The following DNAJB6 variants were observed in gnomAD, a reference collection of about 807,000 sequenced individuals.
The protein encoded by DNAJB6 is dnaJ homolog subfamily B member 6.
DNAJB6 carries 16 observed loss-of-function variants against 42.7 expected under a neutral mutation model. The observed-to-expected ratio is 0.37, with a 90% CI of 0.25 to 0.57. DNAJB6 has a LOEUF of 0.57. Among genes scored for constraint, DNAJB6 ranks in the 20% least tolerant of loss-of-function variants. DNAJB6 has a pLI of 0.74. For missense variants in DNAJB6, 347 were observed against 416.8 expected (o/e 0.83, Z 1.46); for synonymous variants, 170 against 163.5 (o/e 1.04, Z -0.30).
intron 8 of DNAJB6, among the ~76,000 whole-genome samples, chr7:157,407,551 T>C (rs1369384126): frequency 6.6e-6 from 1 of 152,172 alleles, no homozygotes; most frequent in Non-Finnish European, 1.5e-5. Flanking sequence ...CCTTTGCTGC[T>C]GTGTGCGTGG....
At chr7:157,395,162 G>T (rs1479141451) in intron 8 of DNAJB6, among the ~76,000 whole-genome samples, 1 of 152,008 alleles carries the variant, frequency 6.6e-6, no homozygotes, top group South Asian at 2.1e-4. Context: ...TCCCCATCCG[G>T]TATTACCAGG....
intron 2 of DNAJB6, among the ~76,000 whole-genome samples, chr7:157,361,315 T>G (rs1401225593): frequency 6.6e-6 from 1 of 152,088 alleles, no homozygotes; most frequent in Non-Finnish European, 1.5e-5. Flanking sequence ...CCTGCCATGA[T>G]GCCCAGCTAA....
At chr7:157,359,828 C>G (rs1172571677) in intron 2 of DNAJB6, among the ~76,000 whole-genome samples, 1 of 152,296 alleles carries the variant, frequency 6.6e-6, no homozygotes, top group African/African-American at 2.4e-5. Flanking sequence ...TCAAAAAAGC[C>G]AAGTCAGGAT....
At chr7:157,364,963 A>T (rs1384597652) in intron 3 of DNAJB6, among the ~76,000 whole-genome samples, 1 of 152,188 alleles carries the variant, frequency 6.6e-6, no homozygotes, top group Non-Finnish European at 1.5e-5. Context: ...TCTACTTTTT[A>T]AAAATTGAGA....
At chr7:157,366,676 G>C (rs547101021) in intron 4 of DNAJB6, 115 bp downstream of exon 4, 1 of 931,394 alleles carries the variant, frequency 1.1e-6, no homozygotes. Context: ...GAGATGCAAC[G>C]TAGAAAGCGA....
chr7:157,374,954 A>G (rs535234133), intron 5 of DNAJB6, among the ~76,000 whole-genome samples: 1 of 152,336 alleles, frequency 6.6e-6, no homozygotes, highest in East Asian at 1.9e-4. Context: ...GGGTTTTCGC[A>G]TCATCTGTTT....
At chr7:157,342,636 T>A (rs1402914702) in intron 1 of DNAJB6, among the ~76,000 whole-genome samples, 1 of 152,090 alleles carries the variant, frequency 6.6e-6, no homozygotes, top group Admixed American at 6.5e-5. Context: ...TCTATATTTT[T>A]AGTAGAGATA....
rs1203132777 is a variant in DNAJB6, at chr7:157,385,621, A to G, written c.691+10A>G. On this transcript the variant is annotated intron_variant, in intron 8 of 9. Coordinates refer to ENST00000262177, the MANE Select transcript of DNAJB6 (RefSeq NM_058246.4). ...TCCTTAACAATAAATGGTAAGGAGCAGCTGCTGCGCTTGGATAACAAGTAA... is the reference window on the plus strand; with the variant it reads ...TCCTTAACAATAAATGGTAAGGAGCGGCTGCTGCGCTTGGATAACAAGTAA... 1 of 1,613,686 alleles carries G rather than the reference A, an allele frequency of 6.2e-7. No homozygotes were observed. The highest frequency in any genetic ancestry group is 8.5e-7 in the Non-Finnish European group (1 of 1,179,848).
At chr7:157,355,480 A>G (rs928699253) in intron 1 of DNAJB6, among the ~76,000 whole-genome samples, 2 of 152,150 alleles carry the variant, frequency 1.3e-5, no homozygotes, top group Non-Finnish European at 1.5e-5. Flanking sequence ...TGGTTTCTTC[A>G]GCGGGCCAGT....
intron 8 of DNAJB6, among the ~76,000 whole-genome samples, chr7:157,397,707 C>G (rs1312255400): frequency 1.3e-5 from 2 of 152,264 alleles, no homozygotes; most frequent in Non-Finnish European, 2.9e-5. Flanking sequence ...CGTCTTCATT[C>G]CCTGGAGCCA....
intron 1 of DNAJB6, among the ~76,000 whole-genome samples, chr7:157,355,357 T>G (rs1799218026): frequency 6.6e-6 from 1 of 152,190 alleles, no homozygotes; most frequent in South Asian, 2.1e-4. Context: ...AGATGGAGTT[T>G]CACCGTGTTA....
chr7:157,340,159 C>T (rs1396995001), intron 1 of DNAJB6: 2 of 152,220 alleles, frequency 1.3e-5, no homozygotes, highest in Admixed American at 6.5e-5. Context: ...GGGATTTTTA[C>T]TTCTTAGTAT....
At chr7:157,369,026 T>C (rs1799981877) in intron 5 of DNAJB6, 1 of 358,720 alleles carries the variant, frequency 2.8e-6, no homozygotes. Context: ...CACCTTATTA[T>C]GGGCTGGCTG....
intron 2 of DNAJB6, among the ~76,000 whole-genome samples, chr7:157,359,106 A>G (rs1211242001): frequency 6.6e-6 from 1 of 152,196 alleles, no homozygotes; most frequent in African/African-American, 2.4e-5. Flanking sequence ...GGGCCTGGCC[A>G]TTGTGAGGAG....
intron 3 of DNAJB6, among the ~76,000 whole-genome samples, chr7:157,365,385 A>G (rs904157761): frequency 1.1e-4 from 16 of 152,248 alleles, no homozygotes; most frequent in African/African-American, 3.1e-4. Flanking sequence ...AGAGGGGCAC[A>G]CTAGCCCCAG....
At position 157,372,834 on chromosome 7, in the gene DNAJB6, C is replaced by T. The variant is rs985125867; in HGVS notation, c.346+5351C>T. On this transcript the variant is annotated intron_variant, in intron 5 of 9. Transcript: ENST00000262177. The stretch of plus-strand genomic sequence containing the variant: ...TTGCTTCTGAGGCTGAGATGTGTCC[C>T]GTCTTGCTCCAGGCCCTTCCCCAGC... Among the ~76,000 whole-genome samples, 7 of 152,266 alleles carry T rather than the reference C, an allele frequency of 4.6e-5. No homozygotes were observed. In the East Asian group the frequency reaches 7.7e-4, roughly 17 times the overall value.
chr7:157,412,097 A>AT (rs1795995417), intron 9 of DNAJB6: 1 of 152,182 alleles, frequency 6.6e-6, no homozygotes, highest in African/African-American at 2.4e-5. Flanking sequence ...TAAAGACGTG[A>AT]TTTTTATACA....
At chr7:157,398,144 GCAGA>G (rs1204460534) in intron 8 of DNAJB6, among the ~76,000 whole-genome samples, 1 of 152,190 alleles carries the variant, frequency 6.6e-6, no homozygotes, top group Non-Finnish European at 1.5e-5. Context: ...TCTGCAGAGT[GCAGA>G]CAGACAGCAC....
intron 1 of DNAJB6, among the ~76,000 whole-genome samples, chr7:157,350,199 T>C (rs955964397): frequency 1.3e-5 from 2 of 152,158 alleles, no homozygotes; most frequent in African/African-American, 4.8e-5. Context: ...CCCTGGAGTA[T>C]CTGTGTTGGA....
Sources: gnomAD v4.1 joint callset for allele counts (sites outside exome capture counted in the v4.1 genomes callset) on GRCh38, gnomAD v4.1.1 for gene constraint, MANE v1.5 for transcripts, NCBI Gene and HGNC (gene_info 2026-07-23, HGNC 2026-07-21) for gene names.